Variants in ATXN1 observed in about 807,000 individuals in gnomAD.
ATXN1 encodes ataxin 1.
In ATXN1, 8 loss-of-function variants were observed where a neutral mutation model predicts 56.4. That is an observed-to-expected ratio of 0.14 (90% CI 0.08 to 0.26). The LOEUF is 0.26. Ranked by LOEUF, ATXN1 falls within the 10% of genes least tolerant of loss-of-function variation. The pLI is 1.00. For synonymous variants in ATXN1, 514 were observed against 494.6 expected, an observed-to-expected ratio of 1.04 and a Z score of -0.52; for missense variants, 987 against 1,106.5, an observed-to-expected ratio of 0.89 and a Z score of 1.53.
At position 16,304,437 on chromosome 6, in the gene ATXN1, T is replaced by C. The variant is rs1287874850; in HGVS notation, c.*1892A>G. ...CATTAAATCTCGATTTGATTTTGAATAGAAAAAAAAAAGCCATTCTGAAAA... is the reference window on the plus strand; with the variant it reads ...CATTAAATCTCGATTTGATTTTGAACAGAAAAAAAAAAGCCATTCTGAAAA... On this transcript the variant is annotated 3_prime_UTR_variant, in exon 8 of 8. Coordinates refer to ENST00000436367, the MANE Select transcript of ATXN1 (RefSeq NM_001128164.2). 1 of 149,544 alleles carries C rather than the reference T, an allele frequency of 6.7e-6. No homozygotes were observed. Among genetic ancestry groups the C allele is most frequent in the Non-Finnish European group, 1.5e-5 (1 of 67,262 alleles). The allele number at this position is 149,544 out of a possible 1,614,324, so 9.3% of individuals were successfully genotyped here.
intron 3 of ATXN1, among the ~76,000 whole-genome samples, chr6:16,592,890 G>T (rs1438012601): frequency 6.7e-6 from 1 of 149,144 alleles, no homozygotes; most frequent in East Asian, 2.0e-4. Context: ...GGTTGGGGGG[G>T]GCAGCTTTTA....
At chr6:16,563,699 G>A (rs1186987400) in intron 4 of ATXN1, among the ~76,000 whole-genome samples, 1 of 152,080 alleles carries the variant, frequency 6.6e-6, no homozygotes, top group East Asian at 1.9e-4. Flanking sequence ...AGTATCTCTG[G>A]GAAGCTGAAA....
At chr6:16,710,188 G>A (rs1403918345) in intron 2 of ATXN1, among the ~76,000 whole-genome samples, 1 of 152,146 alleles carries the variant, frequency 6.6e-6, no homozygotes, top group African/African-American at 2.4e-5. Flanking sequence ...TGAAAAGGAT[G>A]ATTTAAAAAT....
chr6:16,327,762 G>T lies in ATXN1; in HGVS notation c.549C>A (p.Asn183Lys), dbSNP rs768430857. Residue 183 changes from asparagine (N) to lysine (K), a missense_variant, in exon 7 of 8, where the codon AAC (asparagine) becomes AAA (lysine). Around this residue, in one of 3 missense-constraint regions of ATXN1, gnomAD observed 723 missense variants for 791.7 expected, o/e 0.91. Coordinates refer to ENST00000436367, the MANE Select transcript of ATXN1 (RefSeq NM_001128164.2). ...CCGGCGTCTGGCTCAGACTGCCCAT[G>T]TTGGCCAGCAGAGTGGAATAGGCCT... The part of the protein sequence containing the change: ...QLEAYSTLLA[N>K]MGSLSQTPGH... 1.9e-6 allele frequency: 3 copies of T among 1,609,480 alleles called. No individual in the cohort carries two copies.
chr6:16,433,262 AG>A (rs1284386982), intron 6 of ATXN1, among the ~76,000 whole-genome samples: 2 of 152,210 alleles, frequency 1.3e-5, no homozygotes. Flanking sequence ...TACTGCTACT[AG>A]TTATTAGTTC....
In ATXN1 at chr6:16,604,111, C is replaced by T. The variant is rs528599011; in HGVS notation, c.-488-18204G>A. Among the ~76,000 whole-genome samples the T allele has an allele frequency of 2.0e-5, 3 of 152,164 alleles. No homozygotes were observed. The South Asian group carries it at 6.2e-4, about 32-fold the overall frequency. On this transcript the variant is annotated intron_variant, in intron 3 of 7. Transcript: ENST00000436367. The stretch of plus-strand genomic sequence containing the variant: ...AAGGCTTCGTAAAGGGGGGATTCCT[C>T]AAGGTCTTTTAACCAAGTCTGCACA...
At chr6:16,756,930 C>A (rs1419878884) in intron 1 of ATXN1, among the ~76,000 whole-genome samples, 1 of 152,134 alleles carries the variant, frequency 6.6e-6, no homozygotes, top group Non-Finnish European at 1.5e-5. Context: ...AAAGTAAAAT[C>A]CACTTGACAT....
At chr6:16,438,667 A>T (rs145834637) in intron 6 of ATXN1, among the ~76,000 whole-genome samples, 310 of 152,346 alleles carry the variant, frequency 2.0e-3, no homozygotes, top group African/African-American at 6.9e-3. Flanking sequence ...TACTGTTTAT[A>T]TTGTATATTT....
At chr6:16,387,559 A>G (rs9464885) in intron 6 of ATXN1, among the ~76,000 whole-genome samples, 18,347 of 152,174 alleles carry the variant, frequency 0.12, 1,185 homozygotes, top group African/African-American at 0.15. Flanking sequence ...CTGAATCCTT[A>G]AAACAACTTG....
rs1018625194 is a variant in ATXN1 at position 16,377,788 on chromosome 6, C to G, written c.-160-49318G>C. Among the ~76,000 whole-genome samples, 10 of 152,224 alleles carry G rather than the reference C, an allele frequency of 6.6e-5. 1 individual carries two copies. Among genetic ancestry groups the G allele is most frequent in the African/African-American group, 1.9e-4 (8 of 41,464 alleles). On this transcript the variant is annotated intron_variant, in intron 6 of 7. Coordinates refer to ENST00000436367, the MANE Select transcript of ATXN1 (RefSeq NM_001128164.2). ...GCAGTTACCAAAGACAGAAGGGCAGCATTTGCATAAACGCTGAAAAATGCT... is the reference window on the plus strand; with the variant it reads ...GCAGTTACCAAAGACAGAAGGGCAGGATTTGCATAAACGCTGAAAAATGCT...
chr6:16,548,659 C>A (rs890491805), intron 4 of ATXN1, among the ~76,000 whole-genome samples: 1 of 151,848 alleles, frequency 6.6e-6, no homozygotes, highest in Non-Finnish European at 1.5e-5. Flanking sequence ...AGCAGTGGTG[C>A]ACACCTGTAA....
chr6:16,363,224 C>T (rs1276995464), intron 6 of ATXN1, among the ~76,000 whole-genome samples: 5 of 152,322 alleles, frequency 3.3e-5, no homozygotes, highest in African/African-American at 7.2e-5. Flanking sequence ...GATCTAAGCT[C>T]TCTGAGAGCA....
At chr6:16,319,630 T>C (rs752626762) in intron 7 of ATXN1, among the ~76,000 whole-genome samples, 20 of 152,312 alleles carry the variant, frequency 1.3e-4, no homozygotes, top group Non-Finnish European at 2.6e-4. Flanking sequence ...GGCTCATCAG[T>C]TGTAACCAAT....
At chr6:16,563,746 G>A (rs1762163116) in intron 4 of ATXN1, among the ~76,000 whole-genome samples, 1 of 152,124 alleles carries the variant, frequency 6.6e-6, no homozygotes. Flanking sequence ...AGGAGATGAA[G>A]CAACTGCAGG....
chr6:16,636,123 T>A (rs937291207), intron 3 of ATXN1, among the ~76,000 whole-genome samples: 1 of 152,178 alleles, frequency 6.6e-6, no homozygotes, highest in Non-Finnish European at 1.5e-5. Context: ...CATTTCTGTT[T>A]TCCTTTCCCA....
At chr6:16,494,626 G>A (rs1388553020) in intron 5 of ATXN1, among the ~76,000 whole-genome samples, 7 of 152,272 alleles carry the variant, frequency 4.6e-5, no homozygotes, top group East Asian at 1.9e-4. Context: ...CCTTATGGAC[G>A]TAGTGCAAAG....
intron 3 of ATXN1, among the ~76,000 whole-genome samples, chr6:16,643,275 A>G (rs984571858): frequency 2.6e-5 from 4 of 151,486 alleles, no homozygotes; most frequent in Admixed American, 2.0e-4. Context: ...AAAAGACACA[A>G]TATCTCTGAG....
At chr6:16,407,845 T>C (rs901849292) in intron 6 of ATXN1, among the ~76,000 whole-genome samples, 2 of 152,200 alleles carry the variant, frequency 1.3e-5, no homozygotes, top group African/African-American at 4.8e-5. Flanking sequence ...GGAGGCCTGT[T>C]TGATGAGCCT....
intron 2 of ATXN1, among the ~76,000 whole-genome samples, chr6:16,704,165 G>A (rs1411614823): frequency 6.6e-6 from 1 of 152,162 alleles, no homozygotes; most frequent in Non-Finnish European, 1.5e-5. Context: ...TTGGAGGTGC[G>A]CACTGAGTTA....
Sources: allele counts gnomAD v4.1 joint callset (sites outside exome capture counted in the v4.1 genomes callset), GRCh38; gene constraint gnomAD v4.1.1; regional missense constraint gnomAD v4.1.1; transcripts MANE v1.5; gene names NCBI Gene and HGNC (gene_info 2026-07-23, HGNC 2026-07-21).